Variants in CALCR observed in about 807,000 individuals in gnomAD.
The protein encoded by CALCR is calcitonin receptor.
CALCR carries 47 observed loss-of-function variants against 59.5 expected under a neutral mutation model. The observed-to-expected ratio is 0.79, with a 90% CI of 0.63 to 1.01. The LOEUF (loss-of-function observed/expected upper bound fraction) is 1.01. Among genes scored for constraint, CALCR ranks in the 50% least tolerant of loss-of-function variants. CALCR has a pLI of 0.00. For synonymous variants in CALCR, 213 were observed against 211.3 expected, an observed-to-expected ratio of 1.01 and a Z score of -0.07; for missense variants, 566 against 597.1, an observed-to-expected ratio of 0.95 and a Z score of 0.54.
intron 2 of CALCR, among the ~76,000 whole-genome samples, chr7:93,543,923 T>A (rs1263434104): frequency 6.6e-6 from 1 of 151,998 alleles, no homozygotes; most frequent in Non-Finnish European, 1.5e-5. Flanking sequence ...TATATTTGTA[T>A]GTGATAATAA....
At chr7:93,461,060 A>G in intron 7 of CALCR, 113 bp from the exon 8 acceptor site, 1 of 877,946 alleles carries the variant, frequency 1.1e-6, no homozygotes, top group Non-Finnish European at 1.7e-6. Flanking sequence ...ATGAAAGAAC[A>G]TATAGAAGAA....
chr7:93,515,067 C>T (rs1338044560), intron 2 of CALCR, among the ~76,000 whole-genome samples: 1 of 152,120 alleles, frequency 6.6e-6, no homozygotes, highest in East Asian at 1.9e-4. Context: ...TCAAGTGTTT[C>T]TGACATCAGT....
intron 8 of CALCR, among the ~76,000 whole-genome samples, chr7:93,454,329 A>G (rs901184991): frequency 2.0e-5 from 3 of 152,020 alleles, no homozygotes; most frequent in African/African-American, 4.8e-5. Flanking sequence ...GAAGACATTC[A>G]TGTTGCTTTC....
intron 12 of CALCR, among the ~76,000 whole-genome samples, chr7:93,435,084 T>G (rs1176352028): frequency 6.6e-6 from 1 of 152,060 alleles, no homozygotes; most frequent in Non-Finnish European, 1.5e-5. Context: ...TGGGTAAAGG[T>G]GAATGGAACT....
At chr7:93,460,998 A>G (rs1800324807) in intron 7 of CALCR, 51 bp from the exon 8 acceptor site, 1 of 1,478,556 alleles carries the variant, frequency 6.8e-7, no homozygotes. Context: ...ATGTTGGAGT[A>G]CCTGGAAAAA....
chr7:93,532,747 G>A (rs1788872634), intron 2 of CALCR, among the ~76,000 whole-genome samples: 1 of 147,776 alleles, frequency 6.8e-6, no homozygotes, highest in Non-Finnish European at 1.5e-5. Flanking sequence ...AATGGCAGGG[G>A]TGATCCTTTG....
At chr7:93,428,682 G>C (rs569522939) in intron 13 of CALCR, among the ~76,000 whole-genome samples, 41 of 151,806 alleles carry the variant, frequency 2.7e-4, no homozygotes, top group Non-Finnish European at 4.9e-4. Context: ...AGCTACTCAG[G>C]AGGCTGAGGC....
At chr7:93,444,348 C>T in intron 8 of CALCR, among the ~76,000 whole-genome samples, 1 of 152,068 alleles carries the variant, frequency 6.6e-6, no homozygotes, top group South Asian at 2.1e-4. Flanking sequence ...GACATCCTTG[C>T]TGAGAACTCA....
chr7:93,506,533 T>G (rs1008606460), intron 2 of CALCR, among the ~76,000 whole-genome samples: 3 of 152,110 alleles, frequency 2.0e-5, no homozygotes, highest in African/African-American at 4.8e-5. Context: ...AGACAAAAAT[T>G]ACTAAATGGC....
Position 93,434,291 on chromosome 7 carries a change from A to G in CALCR, c.1153T>C (p.Phe385Leu). 6.2e-7 allele frequency: 1 copy of G among 1,609,232 alleles called. No homozygotes were observed. Among genetic ancestry groups the G allele is most frequent in the Non-Finnish European group, 8.5e-7 (1 of 1,175,686 alleles). Residue 385 changes from phenylalanine (F) to leucine (L), a missense_variant, in exon 13 of 14, where the codon TTC becomes CTC. Coordinates refer to ENST00000426151, the MANE Select transcript of CALCR (RefSeq NM_001742.4). Reference protein sequence around the residue: ...VMHSLIHFQGFFVATIYCFCN... With the variant: ...VMHSLIHFQGLFVATIYCFCN... ...AAGCAGTAGATGGTCGCAACAAAGA[A>G]GCCCTAAAAAGGGAAGGAAAAATAC...
intron 8 of CALCR, among the ~76,000 whole-genome samples, chr7:93,444,312 C>T (rs1030533276): frequency 2.0e-5 from 3 of 152,012 alleles, no homozygotes; most frequent in African/African-American, 4.8e-5. Context: ...TGGGATCAAG[C>T]GCTCTCTGGG....
At chr7:93,499,380 A>G (rs968153976) in intron 2 of CALCR, among the ~76,000 whole-genome samples, 1 of 151,808 alleles carries the variant, frequency 6.6e-6, no homozygotes, top group Non-Finnish European at 1.5e-5. Flanking sequence ...GGATATTAAA[A>G]GTTCTGCAAA....
At chr7:93,460,572 A>AATATATATATATAT (rs57481670) in intron 8 of CALCR, among the ~76,000 whole-genome samples, 1 of 66,516 alleles carries the variant, frequency 1.5e-5, no homozygotes, top group Admixed American at 1.6e-4. Flanking sequence ...AAAAAAAAAA[A>AATATATATATATAT]ATATATATAT....
At position 93,469,105 on chromosome 7, in the gene CALCR, G is replaced by A. The variant is rs28612493; in HGVS notation, c.430-299C>T. Among the ~76,000 whole-genome samples, 1,103 of 151,870 alleles carry A rather than the reference G, an allele frequency of 7.3e-3. 13 individuals carry two copies. The highest frequency in any genetic ancestry group is 0.026 in the African/African-American group (1,061 of 41,478). On this transcript the variant is annotated intron_variant, in intron 6 of 13. Transcript: ENST00000426151. ...AAATTATCATCCCTAAGCCCAGTAA[G>A]CAATCCTGGTAGTTTTTTAACTTCT...
At chr7:93,573,995 T>G (rs1790061875) in intron 2 of CALCR, among the ~76,000 whole-genome samples, 1 of 152,334 alleles carries the variant, frequency 6.6e-6, no homozygotes, top group South Asian at 2.1e-4. Context: ...AGAATAAAAC[T>G]TTTGAGGGAA....
At chr7:93,453,521 C>G (rs572599822) in intron 8 of CALCR, among the ~76,000 whole-genome samples, 3 of 151,976 alleles carry the variant, frequency 2.0e-5, no homozygotes, top group African/African-American at 7.2e-5. Context: ...CATACCCTAA[C>G]GGAGTGTGCA....
chr7:93,510,592 G>A (rs1222859981), intron 2 of CALCR, among the ~76,000 whole-genome samples: 5 of 152,182 alleles, frequency 3.3e-5, no homozygotes, highest in Non-Finnish European at 7.3e-5. Flanking sequence ...AGAGGGTGGG[G>A]TAAGGTGGCT....
At chr7:93,453,143 A>G (rs553691486) in intron 8 of CALCR, among the ~76,000 whole-genome samples, 14 of 152,080 alleles carry the variant, frequency 9.2e-5, no homozygotes, top group Non-Finnish European at 1.9e-4. Context: ...ACAAGGTGCC[A>G]CAGTTAGTAA....
intron 2 of CALCR, among the ~76,000 whole-genome samples, chr7:93,568,537 CTCTCTCTCTCTCTCTCTCTG>C (rs1400765597): frequency 1.3e-5 from 2 of 149,622 alleles, no homozygotes; most frequent in African/African-American, 5.0e-5. Context: ...CTCTCTCTCT[CTCTCTCTCTCTCTCTCTCTG>C]TCTCTCTCCT....
Sources: allele counts gnomAD v4.1 joint callset (sites outside exome capture counted in the v4.1 genomes callset), GRCh38; gene constraint gnomAD v4.1.1; transcripts MANE v1.5; gene names NCBI Gene and HGNC (gene_info 2026-07-23, HGNC 2026-07-21).